ANKRD33: variants seen among roughly 807,000 people sequenced by gnomAD.
The protein encoded by ANKRD33 is photoreceptor ankyrin repeat protein.
ANKRD33 carries 20 observed loss-of-function variants against 20.6 expected under a neutral mutation model. The ratio of observed to expected loss-of-function variants is 0.97; its 90% CI spans 0.68 to 1.41. The LOEUF (loss-of-function observed/expected upper bound fraction) is 1.41, where lower values mean the gene tolerates loss of function less well. ANKRD33 is among the 40% of genes most tolerant of loss of function. The probability of loss-of-function intolerance (pLI) is 0.00; values close to 1 mark genes in which losing one functional copy is unlikely to be tolerated. For missense variants in ANKRD33, 545 were observed against 579.6 expected (o/e 0.94, Z 0.61); for synonymous variants, 246 against 245.0 (o/e 1.00, Z -0.04).
At position 51,888,108 on chromosome 12, in the gene ANKRD33, G is replaced by T. The variant is rs567222733; in HGVS notation, c.-79G>T. ...GCTGGTCTGAGTCCGCTCCTGAGAC[G>T]TGACCACCCGCCCCGCATGGGGCCC... is the stretch of plus-strand genomic sequence containing the variant. On this transcript the variant is annotated 5_prime_UTR_variant, in exon 1 of 5. Coordinates refer to ENST00000301190, the MANE Select transcript of ANKRD33 (RefSeq NM_182608.4). The T allele has an allele frequency of 8.3e-5, 128 of 1,538,402 alleles. 1 individual carries two copies. In the African/African-American group the frequency reaches 1.6e-3, roughly 20 times the overall value.
At chr12:51,888,931 G>A (rs747517792) in intron 2 of ANKRD33, 113 bp downstream of exon 2, 18 of 1,584,186 alleles carry the variant, frequency 1.1e-5, no homozygotes, top group Non-Finnish European at 1.5e-5. Flanking sequence ...GCAGTCCTAA[G>A]GAGGAAGGGA....
At chr12:51,889,314 T>C (rs1940330028) in intron 3 of ANKRD33, 58 bp from the exon 4 acceptor site, 15 of 1,606,988 alleles carry the variant, frequency 9.3e-6, no homozygotes, top group Non-Finnish European at 1.3e-5. Flanking sequence ...TGGAGGGCGG[T>C]TTGGGAGCTT....
In ANKRD33 at chr12:51,891,081, A is replaced by C. The variant is rs1015411512; in HGVS notation, c.1135A>C (p.Ile379Leu). ...VFVPYQSPQGILSKCLQWLQP... is the reference protein window; with the variant it reads ...VFVPYQSPQGLLSKCLQWLQP... ...CGTCCCCTACCAGAGCCCTCAGGGC[A>C]TATTGAGCAAGTGCCTTCAGTGGCT... is the stretch of plus-strand genomic sequence containing the variant. The change falls in exon 5 of 5, where the codon ATA becomes CTA. Residue 379 changes from isoleucine (I) to leucine (L), a missense_variant. Coordinates refer to ENST00000301190, the MANE Select transcript of ANKRD33 (RefSeq NM_182608.4). 4 of 1,613,638 alleles carry C rather than the reference A, an allele frequency of 2.5e-6. No individual in the cohort carries two copies. The African/African-American group carries it at 4.0e-5, about 16-fold the overall frequency.
At position 51,891,231 on chromosome 12, in the gene ANKRD33, CCT is replaced by C; in HGVS notation, c.1290_1291del (p.Trp431AlafsTer34). 1 of 1,614,258 alleles carries C rather than the reference CCT, an allele frequency of 6.2e-7. No homozygotes were observed. Among genetic ancestry groups the C allele is most frequent in the Non-Finnish European group, 8.5e-7 (1 of 1,180,040 alleles). Reference sequence around the variant, plus strand: ...TTCAGGACACCAAAGTCTGGCCCTTCCTCTCTGGCGATACCAGGAGCTCAGGA... The same window carrying C: ...TTCAGGACACCAAAGTCTGGCCCTTCCTCTGGCGATACCAGGAGCTCAGGA... ...SPSGHQSLALPLWRYQELRIE... is the reference protein window; with the variant it reads ...SPSGHQSLALXLWRYQELRIE... On this transcript the variant is annotated frameshift_variant, in exon 5 of 5. Coordinates refer to ENST00000301190, the MANE Select transcript of ANKRD33 (RefSeq NM_182608.4). LOFTEE classifies it high-confidence loss of function.
In ANKRD33 at chr12:51,888,190, A is replaced by C. The variant is rs1272320651; in HGVS notation, c.4A>C (p.Lys2Gln). The C allele has an allele frequency of 4.3e-6, 7 of 1,613,832 alleles. No homozygotes were observed. The highest frequency in any genetic ancestry group is 5.9e-6 in the Non-Finnish European group (7 of 1,179,924). ...GAGGTGTTTGCAGCAGCTCTTTATGAAAGTCCAGCCATCTGTTACCTGCGT... is the reference window on the plus strand; with the variant it reads ...GAGGTGTTTGCAGCAGCTCTTTATGCAAGTCCAGCCATCTGTTACCTGCGT... M[K>Q]VQPSVTCVAS... The change falls in exon 1 of 5, where the codon AAA becomes CAA. Residue 2 changes from lysine (K) to glutamine (Q), a missense_variant. By Grantham distance (53) the Lys-to-Gln change is moderately conservative (BLOSUM62 1). Coordinates refer to ENST00000301190, the MANE Select transcript of ANKRD33 (RefSeq NM_182608.4).
intron 1 of ANKRD33, 53 bp downstream of exon 1, chr12:51,888,384 A>G: frequency 6.2e-7 from 1 of 1,608,660 alleles, no homozygotes; most frequent in Non-Finnish European, 8.5e-7. Context: ...GTGCTGACCT[A>G]GAGTGAACCC....
At chr12:51,889,549 TC>T (rs1473929655) in intron 4 of ANKRD33, 67 bp downstream of exon 4, 2 of 1,573,860 alleles carry the variant, frequency 1.3e-6, no homozygotes, top group African/African-American at 2.7e-5. Context: ...TGGCCTCCAG[TC>T]CCTCCTCCAA....
intron 2 of ANKRD33, 101 bp downstream of exon 2, chr12:51,888,919 C>T (rs1353503099): frequency 1.3e-6 from 2 of 1,587,686 alleles, no homozygotes; most frequent in Admixed American, 1.7e-5. Flanking sequence ...GCAATACCTC[C>T]TGCAGTCCTA....
rs747205205 is a variant in ANKRD33 at position 51,889,508 on chromosome 12, G to A, written c.637+26G>A. 5 of 1,611,706 alleles carry A rather than the reference G, an allele frequency of 3.1e-6. No homozygotes were observed. In the East Asian group the frequency reaches 8.9e-5, roughly 29 times the overall value. ...GTGAGTGCGTGGCCACCCTCCTCAT[G>A]GCAGGTGTGCGGGGCCTGGACCGGG... On this transcript the variant is annotated intron_variant, in intron 4 of 4. Coordinates refer to ENST00000301190, the MANE Select transcript of ANKRD33 (RefSeq NM_182608.4).
At chr12:51,888,899 GGGTTC>G (rs1256066201) in intron 2 of ANKRD33, 81 bp downstream of exon 2, 6 of 1,595,340 alleles carry the variant, frequency 3.8e-6, no homozygotes. Flanking sequence ...TCCCTGAGAG[GGGTTC>G]AGGGGCAATA....
intron 4 of ANKRD33, chr12:51,890,113 G>A: frequency 3.8e-6 from 1 of 261,880 alleles, no homozygotes; most frequent in Non-Finnish European, 7.7e-6. Flanking sequence ...TGAAAAAGGA[G>A]TGAATGAAAA....
chr12:51,888,721 A>G lies in ANKRD33; in HGVS notation c.299A>G (p.Tyr100Cys), dbSNP rs773700666. 2.5e-6 allele frequency: 4 copies of G among 1,613,996 alleles called. No individual in the cohort carries two copies. Among genetic ancestry groups the G allele is most frequent in the Non-Finnish European group, 3.4e-6 (4 of 1,179,974 alleles). ...CCAGGCTGCAGGCTGGGGGCCCTGT[A>G]TTGGGCCTGTGTCCACAATGATCCC... The part of the protein sequence containing the change: ...PTPGCRLGAL[Y>C]WACVHNDPTQ... The change falls in exon 2 of 5, where the codon TAT becomes TGT. Residue 100 changes from tyrosine (Y) to cysteine (C), a missense_variant. Physicochemically the swap from Tyr to Cys is radical, Grantham distance 194. Transcript: ENST00000301190.
Position 51,891,296 on chromosome 12 carries a change from A to C in ANKRD33, c.1350A>C (p.Ala450=), listed in dbSNP as rs372792984. ...KRKQEEEARM[A]QK is the part of the protein sequence containing the mutation. ...AACAGGAGGAGGAGGCCAGAATGGC[A>C]CAGAAGTAGGGGAAGATGGGATAGG... The change falls in exon 5 of 5, where the codon GCA becomes GCC. Residue 450 remains alanine (A), a synonymous_variant. Coordinates refer to ENST00000301190, the MANE Select transcript of ANKRD33 (RefSeq NM_182608.4). 1.8e-5 allele frequency: 29 copies of C among 1,613,918 alleles called. 2 individuals are homozygous for C. The highest frequency in any genetic ancestry group is 2.1e-5 in the Non-Finnish European group (25 of 1,179,940).
Position 51,890,741 on chromosome 12 carries a change from C to T in ANKRD33, c.795C>T (p.Ala265=), listed in dbSNP as rs373117819. ...AGCACTACAAGCCCGAGTGGCCGGC[C>T]TTGTCCGGGCTCGTGGCCCAGGCCC... The part of the protein sequence containing the change: ...LSQHYKPEWP[A]LSGLVAQAQA... The change falls in exon 5 of 5, where the codon GCC becomes GCT. Residue 265 remains alanine, a synonymous_variant. Coordinates refer to ENST00000301190, the MANE Select transcript of ANKRD33 (RefSeq NM_182608.4). 49 of 1,604,230 alleles carry T rather than the reference C, an allele frequency of 3.1e-5. No homozygotes were observed. Among genetic ancestry groups the T allele is most frequent in the Non-Finnish European group, 4.0e-5 (47 of 1,179,854 alleles).
chr12:51,888,299 T>C lies in ANKRD33; in HGVS notation c.113T>C (p.Val38Ala), dbSNP rs755312604. ...CGCGGAGCCTGGGCTGTGCCCCGCG[T>C]TGACTGCCTCATAGATACCCTACGA... Reference protein sequence around the residue: ...VLRGAWAVPRVDCLIDTLRTP... With the variant: ...VLRGAWAVPRADCLIDTLRTP... Residue 38 changes from valine to alanine, a missense_variant, in exon 1 of 5, where the codon GTT (valine) becomes GCT (alanine). Transcript: ENST00000301190. The C allele has an allele frequency of 1.5e-5, 25 of 1,614,060 alleles. No homozygotes were observed. In the East Asian group the frequency reaches 4.9e-4, roughly 32 times the overall value.
chr12:51,889,552 C>A, intron 4 of ANKRD33, 70 bp downstream of exon 4: 1 of 1,565,262 alleles, frequency 6.4e-7, no homozygotes, highest in African/African-American at 1.3e-5. Context: ...CCTCCAGTCC[C>A]TCCTCCAAGC....
In ANKRD33 at chr12:51,888,550, C is replaced by T. The variant is rs761729152; in HGVS notation, c.146-18C>T. ...ATCCAGGGAGACACTCACTACTCCT[C>T]TCCATTCTGTGTTTTAGATGCCAGC... On this transcript the variant is annotated intron_variant, in intron 1 of 4. Transcript: ENST00000301190. 3 of 1,547,358 alleles carry T rather than the reference C, an allele frequency of 1.9e-6. No individual in the cohort carries two copies. Among genetic ancestry groups the T allele is most frequent in the Non-Finnish European group, 1.7e-6 (2 of 1,150,222 alleles).
In ANKRD33 at chr12:51,891,425, C is replaced by CTA. The variant is rs35582441; in HGVS notation, c.*129_*130dup. ...CTGCCTAAGTAAATCTGCTCTCAAC[C>CTA]TATATATATACAAGGTCATTCATTC... On this transcript the variant is annotated 3_prime_UTR_variant, in exon 5 of 5. Transcript: ENST00000301190. 0.21 allele frequency: 292,935 copies of CTA among 1,368,436 alleles called. 32,298 individuals are homozygous for CTA. Among genetic ancestry groups the CTA allele is most frequent in the Non-Finnish European group, 0.22 (230,033 of 1,031,984 alleles). The allele number at this position is 1,368,436 out of a possible 1,614,324, so 84.8% of individuals were successfully genotyped here.
chr12:51,888,572 C>T lies in ANKRD33; in HGVS notation c.150C>T (p.Ala50=), dbSNP rs564902397. The T allele has an allele frequency of 3.6e-5, 55 of 1,547,098 alleles. No homozygotes were observed. The South Asian group carries it at 5.0e-4, about 14-fold the overall frequency. Residue 50 remains alanine, a synonymous_variant, in exon 2 of 5, where the codon GCC becomes GCT. Coordinates refer to ENST00000301190, the MANE Select transcript of ANKRD33 (RefSeq NM_182608.4). ...CCTCTCCATTCTGTGTTTTAGATGC[C>T]AGCTGCATGAGAAAAGGGACTCACC... ...CLIDTLRTPN[A]SCMRKGTHLL...
Sources: gnomAD v4.1 joint callset for allele counts on GRCh38, gnomAD v4.1.1 for gene constraint, MANE v1.5 for transcripts, NCBI Gene and HGNC (gene_info 2026-07-23, HGNC 2026-07-21) for gene names.